The following RNF150 variants were observed in gnomAD, a reference collection of about 807,000 sequenced individuals.
RNF150 encodes ring finger protein 150.
A neutral mutation model predicts 39.3 loss-of-function variants in RNF150; 24 were observed. The observed-to-expected ratio is 0.61, with a 90% CI of 0.44 to 0.86. RNF150 has a LOEUF of 0.86. Ranked by LOEUF, RNF150 falls within the 40% of genes least tolerant of loss-of-function variation. RNF150 has a pLI of 0.00. For missense variants in RNF150, 502 were observed against 587.8 expected (o/e 0.85, Z 1.51); for synonymous variants, 255 against 227.3 (o/e 1.12, Z -1.10).
chr4:141,113,416 C>T (rs1267263772), intron 1 of RNF150, among the ~76,000 whole-genome samples: 1 of 148,514 alleles, frequency 6.7e-6, no homozygotes, highest in African/African-American at 2.5e-5. Context: ...TCAAAAAAGA[C>T]AAAGAAGGGC....
chr4:141,106,715 A>G (rs1232274371), intron 1 of RNF150, among the ~76,000 whole-genome samples: 1 of 151,748 alleles, frequency 6.6e-6, no homozygotes, highest in Non-Finnish European at 1.5e-5. Flanking sequence ...AATTGCTTGA[A>G]CCCGGGAGGC....
chr4:140,919,843 A>T (rs1731028995), intron 5 of RNF150, among the ~76,000 whole-genome samples: 1 of 152,206 alleles, frequency 6.6e-6, no homozygotes, highest in Non-Finnish European at 1.5e-5. Flanking sequence ...ACAGAGATAT[A>T]GATCAATGGA....
Position 141,027,937 on chromosome 4 carries a change from T to G in RNF150, c.485-60064A>C, listed in dbSNP as rs865783795. The stretch of plus-strand genomic sequence containing the variant: ...GTTTTTTTTTTTTTGTTTTTTTTTT[T>G]TTTTTTTTTTTTTTTCAATCCTGCT... On this transcript the variant is annotated intron_variant, in intron 1 of 6. Transcript: ENST00000515673. Among the ~76,000 whole-genome samples, 14 of 130,064 alleles carry G rather than the reference T, an allele frequency of 1.1e-4. 1 individual carries two copies. The highest frequency in any genetic ancestry group is 1.6e-4 in the Non-Finnish European group (10 of 60,626). The allele number at this position is 130,064 out of a possible 152,430, so 85.3% of individuals were successfully genotyped here. A position where few individuals can be genotyped will look rare whatever the true frequency, so the allele number is the denominator to read the frequency against.
intron 1 of RNF150, among the ~76,000 whole-genome samples, chr4:141,114,209 A>G (rs1387746441): frequency 6.6e-6 from 1 of 152,212 alleles, no homozygotes; most frequent in Admixed American, 6.5e-5. Context: ...AAAAAAATTG[A>G]TGAATCCAGG....
chr4:141,082,107 C>G (rs957329377), intron 1 of RNF150, among the ~76,000 whole-genome samples: 7 of 152,254 alleles, frequency 4.6e-5, no homozygotes, highest in African/African-American at 1.4e-4. Context: ...AGAGGCACCA[C>G]TGCAGTGCAA....
At chr4:141,194,311 T>C (rs994230658) in intron 1 of RNF150, among the ~76,000 whole-genome samples, 1 of 152,206 alleles carries the variant, frequency 6.6e-6, no homozygotes, top group African/African-American at 2.4e-5. Context: ...TTACTAACAT[T>C]GTAGCTAAGG....
At chr4:140,972,036 A>C (rs553063391) in intron 1 of RNF150, among the ~76,000 whole-genome samples, 48 of 152,266 alleles carry the variant, frequency 3.2e-4, no homozygotes, top group African/African-American at 1.1e-3. Context: ...TGACAAAAAA[A>C]AAAATTTATA....
At chr4:140,870,857 T>TAA (rs35496093) in intron 6 of RNF150, among the ~76,000 whole-genome samples, 22 of 149,954 alleles carry the variant, frequency 1.5e-4, no homozygotes, top group South Asian at 2.1e-4. Context: ...GCTCTGTCTT[T>TAA]AAAAAAAAAA....
rs149473413 is a variant in RNF150 at position 140,938,610 on chromosome 4, T to G, written c.890+9044A>C. On this transcript the variant is annotated intron_variant, in intron 4 of 6. Coordinates refer to ENST00000515673, the MANE Select transcript of RNF150 (RefSeq NM_020724.2). ...TCAAGATGCTGTTAATAAGACATTT[T>G]TGGTGTGGGCACTGTGCTGTCACCT... Among the ~76,000 whole-genome samples the G allele has an allele frequency of 6.2e-4, 95 of 152,308 alleles. 1 individual carries two copies. The highest frequency in any genetic ancestry group is 2.1e-3 in the African/African-American group (88 of 41,578).
intron 6 of RNF150, among the ~76,000 whole-genome samples, chr4:140,879,677 C>G (rs940044926): frequency 6.6e-6 from 1 of 152,020 alleles, no homozygotes; most frequent in East Asian, 1.9e-4. Flanking sequence ...AAAAAACTAG[C>G]CTGGCATGGT....
intron 1 of RNF150, among the ~76,000 whole-genome samples, chr4:141,079,388 ATT>A (rs1480202464): frequency 6.6e-6 from 1 of 152,078 alleles, no homozygotes; most frequent in Non-Finnish European, 1.5e-5. Context: ...GCTTTCACTC[ATT>A]TTCTTTCTTT....
At chr4:141,099,187 C>A (rs1039127845) in intron 1 of RNF150, among the ~76,000 whole-genome samples, 2 of 152,040 alleles carry the variant, frequency 1.3e-5, no homozygotes, top group Admixed American at 1.3e-4. Context: ...AAAAATACTA[C>A]TTTCCAAAGA....
chr4:141,100,668 A>G (rs1738975110), intron 1 of RNF150, among the ~76,000 whole-genome samples: 1 of 152,202 alleles, frequency 6.6e-6, no homozygotes. Context: ...GATGTACGTC[A>G]TGTGTTGCAT....
chr4:141,098,121 T>C (rs1262863775), intron 1 of RNF150, among the ~76,000 whole-genome samples: 2 of 152,236 alleles, frequency 1.3e-5, no homozygotes, highest in Non-Finnish European at 2.9e-5. Flanking sequence ...TACAGCCAAT[T>C]TCCTGCCTTT....
intron 1 of RNF150, among the ~76,000 whole-genome samples, chr4:141,147,329 A>G (rs1727221173): frequency 1.3e-5 from 2 of 152,228 alleles, no homozygotes; most frequent in South Asian, 4.1e-4. Context: ...TGGACCTTCC[A>G]TAATGTGGCT....
rs186277781 is a variant in RNF150, at chr4:141,089,496, G to C, written c.484+42829C>G. 3.1e-4 allele frequency among the ~76,000 whole-genome samples: 47 copies of C among 152,298 alleles called. No homozygotes were observed. In the East Asian group the frequency reaches 6.8e-3, roughly 22 times the overall value. ...AAAAGTGACCGAAAACTTACGACTTGTGTCAAGAAAACAAACATGATCAAG... is the reference window on the plus strand; with the variant it reads ...AAAAGTGACCGAAAACTTACGACTTCTGTCAAGAAAACAAACATGATCAAG... On this transcript the variant is annotated intron_variant, in intron 1 of 6. Transcript: ENST00000515673.
At chr4:141,089,836 T>C (rs1253582125) in intron 1 of RNF150, among the ~76,000 whole-genome samples, 1 of 152,226 alleles carries the variant, frequency 6.6e-6, no homozygotes, top group Non-Finnish European at 1.5e-5. Context: ...TCAAGATACC[T>C]GAAGGCAAAT....
Position 140,868,019 on chromosome 4 carries a change from T to A in RNF150, c.*242A>T. 8.6e-6 allele frequency: 4 copies of A among 463,604 alleles called. No individual in the cohort carries two copies. In the Admixed American group the frequency reaches 1.1e-4, roughly 13 times the overall value. The allele number at this position is 463,604 out of a possible 1,614,324, so 28.7% of individuals were successfully genotyped here. ...TCTGAAGTGTATGTCTACATGGACATAGGAGTGGAAATCAGCTTTCAACTT... is the reference window on the plus strand; with the variant it reads ...TCTGAAGTGTATGTCTACATGGACAAAGGAGTGGAAATCAGCTTTCAACTT... On this transcript the variant is annotated 3_prime_UTR_variant, in exon 7 of 7. Transcript: ENST00000515673.
intron 6 of RNF150, among the ~76,000 whole-genome samples, chr4:140,896,515 T>C (rs1398776641): frequency 4.0e-5 from 3 of 75,082 alleles, no homozygotes; most frequent in Non-Finnish European, 5.2e-5. Context: ...GGAAGGGGAA[T>C]ATCACACTCT....
Sources: allele counts gnomAD v4.1 joint callset (sites outside exome capture counted in the v4.1 genomes callset), GRCh38; gene constraint gnomAD v4.1.1; transcripts MANE v1.5; gene names NCBI Gene and HGNC (gene_info 2026-07-23, HGNC 2026-07-21).